ANK3: variants seen among roughly 807,000 people sequenced by gnomAD.
ANK3 encodes the protein ankyrin 3.
A neutral mutation model predicts 370.9 loss-of-function variants in ANK3; 57 were observed. The ratio of observed to expected loss-of-function variants is 0.15; its 90% CI spans 0.12 to 0.19. The LOEUF is 0.19. Among genes scored for constraint, ANK3 ranks in the 10% least tolerant of loss-of-function variants. ANK3 has a pLI of 1.00. For synonymous variants in ANK3, 1,929 were observed against 1,946.3 expected, an observed-to-expected ratio of 0.99 and a Z score of 0.23; for missense variants, 4,439 against 5,302.1, an observed-to-expected ratio of 0.84 and a Z score of 5.06.
chr10:60,032,012 G>C (rs529607952), intron 43 of ANK3, among the ~76,000 whole-genome samples: 1 of 152,064 alleles, frequency 6.6e-6, no homozygotes, highest in Non-Finnish European at 1.5e-5. Context: ...ATGATGATCA[G>C]GATTTTCTCA....
intron 4 of ANK3, among the ~76,000 whole-genome samples, chr10:60,272,516 G>A (rs2098012274): frequency 6.6e-6 from 1 of 151,630 alleles, no homozygotes; most frequent in African/African-American, 2.4e-5. Flanking sequence ...GTCTCACTCT[G>A]TCGCCCAAGC....
intron 13 of ANK3, among the ~76,000 whole-genome samples, chr10:60,199,885 C>T (rs573425271): frequency 6.6e-6 from 1 of 152,234 alleles, no homozygotes; most frequent in African/African-American, 2.4e-5. Context: ...AGGGACTAGC[C>T]GTGTGCTGAC....
chr10:60,672,255 C>T (rs1320318062), intron 1 of ANK3, among the ~76,000 whole-genome samples: 1 of 152,108 alleles, frequency 6.6e-6, no homozygotes, highest in Non-Finnish European at 1.5e-5. Context: ...TGACACAGGG[C>T]CCCTAATTCC....
At chr10:60,690,390 G>T (rs2079334603) in intron 1 of ANK3, among the ~76,000 whole-genome samples, 1 of 152,078 alleles carries the variant, frequency 6.6e-6, no homozygotes, top group Admixed American at 6.5e-5. Context: ...CCCTAATACT[G>T]CACGCTTTTC....
chr10:60,328,104 G>A (rs1373913608), intron 1 of ANK3, among the ~76,000 whole-genome samples: 1 of 152,132 alleles, frequency 6.6e-6, no homozygotes, highest in Non-Finnish European at 1.5e-5. Context: ...TTCAAACGTA[G>A]GCTTGATTCA....
chr10:60,370,942 G>C (rs1179238344), intron 1 of ANK3, among the ~76,000 whole-genome samples: 1 of 152,086 alleles, frequency 6.6e-6, no homozygotes, highest in Non-Finnish European at 1.5e-5. Context: ...ACCTAAATAA[G>C]TGGAAACCAA....
intron 1 of ANK3, among the ~76,000 whole-genome samples, chr10:60,337,748 A>G (rs1566686899): frequency 6.6e-6 from 1 of 152,218 alleles, no homozygotes; most frequent in Non-Finnish European, 1.5e-5. Flanking sequence ...CAAATGAATA[A>G]AGCAAGATAT....
intron 2 of ANK3, among the ~76,000 whole-genome samples, chr10:60,607,237 C>A (rs2078140528): frequency 6.6e-6 from 1 of 152,030 alleles, no homozygotes; most frequent in Non-Finnish European, 1.5e-5. Context: ...ATAAACCATC[C>A]CATAAGGTAG....
intron 1 of ANK3, chr10:60,300,625 A>G: frequency 1.9e-6 from 2 of 1,032,610 alleles, no homozygotes; most frequent in Non-Finnish European, 2.5e-6. Flanking sequence ...GGATTTAGTC[A>G]TGATATGTGG....
At chr10:60,688,258 G>T (rs567234035) in intron 1 of ANK3, among the ~76,000 whole-genome samples, 21 of 152,052 alleles carry the variant, frequency 1.4e-4, no homozygotes, top group African/African-American at 5.1e-4. Flanking sequence ...TAGAGACAGG[G>T]TTTTGCCATG....
At chr10:60,580,744 G>A (rs2077739487) in intron 2 of ANK3, among the ~76,000 whole-genome samples, 1 of 152,032 alleles carries the variant, frequency 6.6e-6, no homozygotes, top group African/African-American at 2.4e-5. Context: ...CTAAAGATAT[G>A]CTCACTCAGA....
chr10:60,266,742 G>T (rs578189360), intron 5 of ANK3, among the ~76,000 whole-genome samples: 1 of 152,280 alleles, frequency 6.6e-6, no homozygotes, highest in Non-Finnish European at 1.5e-5. Context: ...TCCAGATTTT[G>T]TTTCAAAACC....
intron 23 of ANK3, chr10:60,140,769 T>C: frequency 4.7e-6 from 5 of 1,060,008 alleles, no homozygotes; most frequent in Non-Finnish European, 5.7e-6. Context: ...TATGTAAATA[T>C]GAGGACTGCT....
intron 6 of ANK3, among the ~76,000 whole-genome samples, chr10:60,262,704 C>T (rs1227490168): frequency 1.3e-5 from 2 of 152,118 alleles, no homozygotes; most frequent in Non-Finnish European, 1.5e-5. Flanking sequence ...ATATTGACAC[C>T]ATTCTGAAAT....
intron 2 of ANK3, among the ~76,000 whole-genome samples, chr10:60,566,141 T>G (rs2077454977): frequency 6.6e-6 from 1 of 152,188 alleles, no homozygotes; most frequent in African/African-American, 2.4e-5. Flanking sequence ...TTGTAACTGT[T>G]TTGGGTAGCC....
chr10:60,064,367 C>T (rs1286631496), intron 38 of ANK3, 79 bp from the exon 39 acceptor site: 5 of 1,400,082 alleles, frequency 3.6e-6, no homozygotes, highest in Non-Finnish European at 4.8e-6. Context: ...GCTCAATTGC[C>T]ACAAAAAGAA....
chr10:60,139,628 G>C (rs997596351), intron 23 of ANK3: 3 of 153,196 alleles, frequency 2.0e-5, no homozygotes, highest in African/African-American at 7.2e-5. Context: ...GGAGAGCCTT[G>C]GAACACATCA....
At chr10:60,733,398 G>A (rs1351757805) in exon 1 of ANK3, 4 of 1,181,496 alleles carry the variant, frequency 3.4e-6, no homozygotes, top group Middle Eastern at 3.0e-4. Context: ...CTCCAAACGT[G>A]GGACTTCTTG....
chr10:60,690,328 T>C (rs2079333385), intron 1 of ANK3, among the ~76,000 whole-genome samples: 1 of 152,116 alleles, frequency 6.6e-6, no homozygotes. Flanking sequence ...TCCCTTTCCT[T>C]TTCCTAGCCA....
Sources: gnomAD v4.1 joint callset for allele counts (sites outside exome capture counted in the v4.1 genomes callset) on GRCh38, gnomAD v4.1.1 for gene constraint, MANE v1.5 for transcripts, NCBI Gene and HGNC (gene_info 2026-07-23, HGNC 2026-07-21) for gene names.